The following PSIP1 variants were observed in gnomAD, a reference collection of about 807,000 sequenced individuals.
PSIP1 encodes PC4 and SRSF1 interacting protein 1, also known as PC4 and SFRS1-interacting protein.
PSIP1 carries 19 observed loss-of-function variants against 74.7 expected under a neutral mutation model. The ratio of observed to expected loss-of-function variants is 0.25; its 90% CI spans 0.18 to 0.37. PSIP1 has a LOEUF of 0.37. Ranked by LOEUF, PSIP1 falls within the 10% of genes least tolerant of loss-of-function variation. The pLI is 1.00. For synonymous variants in PSIP1, 222 were observed against 195.3 expected, an observed-to-expected ratio of 1.14 and a Z score of -1.14; for missense variants, 601 against 614.3, an observed-to-expected ratio of 0.98 and a Z score of 0.23.
intron 3 of PSIP1, among the ~76,000 whole-genome samples, chr9:15,491,746 A>G (rs1382150492): frequency 6.6e-6 from 1 of 152,212 alleles, no homozygotes; most frequent in African/African-American, 2.4e-5. Flanking sequence ...GAAATACCAG[A>G]GACTGGGTAA....
chr9:15,477,275 G>A (rs936093467), intron 8 of PSIP1, among the ~76,000 whole-genome samples: 3 of 152,110 alleles, frequency 2.0e-5, no homozygotes, highest in South Asian at 4.1e-4. Context: ...TTTGATGTAC[G>A]TATACACTGT....
intron 6 of PSIP1, among the ~76,000 whole-genome samples, chr9:15,480,382 T>A (rs1224226914): frequency 6.6e-6 from 1 of 152,172 alleles, no homozygotes. Flanking sequence ...GAATTCAGCA[T>A]TAACTGTATC....
chr9:15,488,013 A>G (rs1442513078), intron 4 of PSIP1, among the ~76,000 whole-genome samples: 1 of 152,200 alleles, frequency 6.6e-6, no homozygotes, highest in African/African-American at 2.4e-5. Context: ...GCACATGTGA[A>G]GAAATAAAAT....
Position 15,485,991 on chromosome 9 carries a change from A to G in PSIP1, c.456+15T>C. ...TCTTTTCAGATCCCCATGGTTGGTA[A>G]GTCAGTGAAATTACCTTTCTCTTTC... is the stretch of plus-strand genomic sequence containing the variant. On this transcript the variant is annotated intron_variant, in intron 6 of 15. Transcript: ENST00000380733. The G allele has an allele frequency of 6.3e-7, 1 of 1,588,210 alleles. No homozygotes were observed. The highest frequency in any genetic ancestry group is 8.6e-7 in the Non-Finnish European group (1 of 1,158,270).
intron 6 of PSIP1, among the ~76,000 whole-genome samples, chr9:15,484,051 G>C (rs953867208): frequency 3.3e-5 from 5 of 149,328 alleles, no homozygotes; most frequent in Non-Finnish European, 7.4e-5. Flanking sequence ...AGAATCGCTT[G>C]AACCCGGGAG....
rs190689553 is a variant in PSIP1 at position 15,490,528 on chromosome 9, C to T, written c.150-404G>A. Reference sequence around the variant, plus strand: ...TGAAACCCCATCTCTACTAAAAATACAAAAATTAGCCGGGCGTGGTGGCGT... The same window carrying T: ...TGAAACCCCATCTCTACTAAAAATATAAAAATTAGCCGGGCGTGGTGGCGT... On this transcript the variant is annotated intron_variant, in intron 3 of 15. Transcript: ENST00000380733. Among the ~76,000 whole-genome samples the T allele has an allele frequency of 1.9e-4, 29 of 151,810 alleles. No individual in the cohort carries two copies. The East Asian group carries it at 4.1e-3, about 21-fold the overall frequency.
At chr9:15,491,494 T>G (rs183358131) in intron 3 of PSIP1, among the ~76,000 whole-genome samples, 1 of 152,270 alleles carries the variant, frequency 6.6e-6, no homozygotes, top group Non-Finnish European at 1.5e-5. Context: ...TTTTGGTGAG[T>G]AGGTACATTC....
intron 2 of PSIP1, among the ~76,000 whole-genome samples, chr9:15,507,263 C>CA (rs2037636284): frequency 6.6e-6 from 1 of 152,184 alleles, no homozygotes; most frequent in Non-Finnish European, 1.5e-5. Context: ...CAGGTGCTGT[C>CA]ACGTCTAATA....
At position 15,467,528 on chromosome 9, in the gene PSIP1, TTA is replaced by T. The variant is rs758842012; in HGVS notation, c.1421-671_1421-670del. Among the ~76,000 whole-genome samples the T allele has an allele frequency of 4.6e-5, 7 of 152,300 alleles. No homozygotes were observed. The East Asian group carries it at 9.6e-4, about 21-fold the overall frequency. ...GAGTCTTTCATACATTCTGAAATGT[TTA>T]TGAGTGAAATGGTATGTCAGGGATT... is the stretch of plus-strand genomic sequence containing the variant. On this transcript the variant is annotated intron_variant, in intron 14 of 15. Transcript: ENST00000380733.
At chr9:15,478,392 A>G (rs1216355911) in intron 8 of PSIP1, 85 bp downstream of exon 8, 1 of 1,053,322 alleles carries the variant, frequency 9.5e-7, no homozygotes, top group Non-Finnish European at 1.4e-6. Context: ...CTGTAAGAGA[A>G]AACTGATAAA....
intron 10 of PSIP1, 105 bp downstream of exon 10, chr9:15,472,527 T>G: frequency 1.1e-5 from 16 of 1,467,364 alleles, no homozygotes; most frequent in Non-Finnish European, 1.4e-5. Context: ...AAAAGTCACT[T>G]CTTCAAAAGG....
Position 15,468,845 on chromosome 9 carries a change from T to C in PSIP1, c.1207-2A>G. 6.2e-7 allele frequency: 1 copy of C among 1,612,350 alleles called. No homozygotes were observed. On this transcript the variant is annotated splice_acceptor_variant, in intron 13 of 15. Transcript: ENST00000380733. LOFTEE classifies it high-confidence loss of function. ...CTGACTAACTTTGAATCGCCGTATC[T>C]GAGAAAACAATATACATTCATCATA...
intron 4 of PSIP1, among the ~76,000 whole-genome samples, chr9:15,487,868 C>T (rs181228752): frequency 1.1e-4 from 16 of 152,170 alleles, no homozygotes; most frequent in East Asian, 3.9e-4. Flanking sequence ...TGATATGGTT[C>T]GATGAATCCA....
intron 3 of PSIP1, among the ~76,000 whole-genome samples, chr9:15,500,338 G>A (rs527622989): frequency 2.0e-5 from 3 of 152,030 alleles, no homozygotes; most frequent in South Asian, 2.1e-4. Flanking sequence ...GGTGGCGAGC[G>A]CCTGTAGTCC....
At chr9:15,485,153 G>GT (rs2036505636) in intron 6 of PSIP1, among the ~76,000 whole-genome samples, 1 of 152,114 alleles carries the variant, frequency 6.6e-6, no homozygotes, top group South Asian at 2.1e-4. Flanking sequence ...CATCACTTCT[G>GT]TAAGTTCCAA....
At chr9:15,465,674 T>C in intron 15 of PSIP1, 94 bp from the exon 16 acceptor site, 3 of 1,002,500 alleles carry the variant, frequency 3.0e-6, no homozygotes, top group Non-Finnish European at 4.4e-6. Context: ...TTTAAACCCA[T>C]GAAAAGACTG....
intron 2 of PSIP1, among the ~76,000 whole-genome samples, chr9:15,508,468 G>A (rs777849535): frequency 1.3e-5 from 2 of 152,142 alleles, no homozygotes; most frequent in African/African-American, 4.8e-5. Context: ...GTCTTCCAAA[G>A]GCTACCCTAT....
intron 3 of PSIP1, among the ~76,000 whole-genome samples, chr9:15,493,067 G>C (rs551267256): frequency 6.6e-6 from 1 of 152,294 alleles, no homozygotes; most frequent in South Asian, 2.1e-4. Context: ...TTAGTGTTTG[G>C]CAGCCTGCTT....
chr9:15,466,003 A>G lies in PSIP1; in HGVS notation c.1533-423T>C, dbSNP rs571615060. The G allele has an allele frequency of 2.2e-3, 352 of 158,606 alleles. 3 individuals carry two copies. The highest frequency in any genetic ancestry group is 0.019 in the Middle Eastern group (6 of 312). The allele number at this position is 158,606 out of a possible 1,614,324, so 9.8% of individuals were successfully genotyped here. ...TTTCAGAATTAGAAGGGATGCTTCT[A>G]TCTAACTCCTTCAGATACACAGTGG... On this transcript the variant is annotated intron_variant, in intron 15 of 15. Coordinates refer to ENST00000380733, the MANE Select transcript of PSIP1 (RefSeq NM_033222.5).
Sources: allele counts gnomAD v4.1 joint callset (sites outside exome capture counted in the v4.1 genomes callset), GRCh38; gene constraint gnomAD v4.1.1; transcripts MANE v1.5; gene names NCBI Gene and HGNC (gene_info 2026-07-23, HGNC 2026-07-21).